The following SHB variants were observed in gnomAD, a reference collection of about 807,000 sequenced individuals.
SHB encodes the protein SH2 domain containing adaptor protein B.
In SHB, 20 loss-of-function variants were observed where a neutral mutation model predicts 52.3. The observed-to-expected ratio is 0.38, with a 90% CI of 0.27 to 0.56. The LOEUF (loss-of-function observed/expected upper bound fraction) is 0.56, where lower values mean the gene tolerates loss of function less well. Ranked by LOEUF, SHB falls within the 20% of genes least tolerant of loss-of-function variation. The pLI is 0.71. For synonymous variants in SHB, 397 were observed against 316.5 expected, an observed-to-expected ratio of 1.25 and a Z score of -2.70; for missense variants, 825 against 723.3, an observed-to-expected ratio of 1.14 and a Z score of -1.61.
intron 1 of SHB, among the ~76,000 whole-genome samples, chr9:38,028,625 A>T (rs916731196): frequency 6.6e-6 from 1 of 152,240 alleles, no homozygotes; most frequent in African/African-American, 2.4e-5. Context: ...TAACCCGGCA[A>T]GGCCAGCTCC....
intron 1 of SHB, among the ~76,000 whole-genome samples, chr9:38,043,889 CAAA>C (rs56809865): frequency 7.7e-6 from 1 of 129,798 alleles, no homozygotes. Flanking sequence ...AACTCCGTCT[CAAA>C]AAAAAAAAAA....
intron 2 of SHB, among the ~76,000 whole-genome samples, chr9:37,982,504 A>G (rs1255369477): frequency 6.6e-6 from 1 of 151,918 alleles, no homozygotes; most frequent in African/African-American, 2.4e-5. Context: ...AAAAAAATGG[A>G]TAAGTAGGCC....
rs776295087 is a variant in SHB, at chr9:38,068,072, C to T, written c.574G>A (p.Ala192Thr). 6.7e-7 allele frequency: 1 copy of T among 1,490,898 alleles called. No homozygotes were observed. The highest frequency in any genetic ancestry group is 8.8e-7 in the Non-Finnish European group (1 of 1,130,576). The allele number at this position is 1,490,898 out of a possible 1,614,324, so 92.4% of individuals were successfully genotyped here. The change falls in exon 1 of 6, where the codon GCG (alanine) becomes ACG (threonine). Residue 192 changes from alanine to threonine, a missense_variant. Coordinates refer to ENST00000377707, the MANE Select transcript of SHB (RefSeq NM_003028.3). The stretch of plus-strand genomic sequence containing the variant: ...AGGGGGTCCCCGGCCCCACCGCCCG[C>T]GGCGCTCTCCACTTTGATGAGGCGG... ...KHRLIKVESAAGGGAGDPLGG... is the reference protein window; with the variant it reads ...KHRLIKVESATGGGAGDPLGG...
intron 2 of SHB, among the ~76,000 whole-genome samples, chr9:37,979,156 T>C (rs558583915): frequency 1.4e-4 from 21 of 152,194 alleles, no homozygotes; most frequent in African/African-American, 4.3e-4. Context: ...TGTGACCATA[T>C]GTTTTAAGTC....
intron 2 of SHB, among the ~76,000 whole-genome samples, chr9:37,981,879 C>A (rs1177620801): frequency 6.6e-6 from 1 of 152,140 alleles, no homozygotes; most frequent in Non-Finnish European, 1.5e-5. Context: ...AGTTCGCCAT[C>A]TTCTGTGGGT....
At chr9:37,997,251 C>T (rs546565564) in intron 2 of SHB, among the ~76,000 whole-genome samples, 1 of 152,352 alleles carries the variant, frequency 6.6e-6, no homozygotes, top group Admixed American at 6.5e-5. Context: ...CTCTTCTCTA[C>T]ATGACACCCA....
At position 38,067,972 on chromosome 9, in the gene SHB, G is replaced by A. The variant is rs1285450763; in HGVS notation, c.674C>T (p.Ala225Val). The A allele has an allele frequency of 2.6e-6, 4 of 1,552,728 alleles. No homozygotes were observed. The highest frequency in any genetic ancestry group is 1.9e-4 in the Middle Eastern group (1 of 5,268). Residue 225 changes from alanine to valine, a missense_variant, in exon 1 of 6, where the codon GCC becomes GTC. Coordinates refer to ENST00000377707, the MANE Select transcript of SHB (RefSeq NM_003028.3). Reference protein sequence around the residue: ...CGGKKLLNKCAASAAEESGAG... With the variant: ...CGGKKLLNKCVASAAEESGAG... Reference sequence around the variant, plus strand: ...CCCGCTCTCCTCCGCGGCTGAGGCGGCGCACTTGTTGAGCAGTTTCTTGCC... The same window carrying A: ...CCCGCTCTCCTCCGCGGCTGAGGCGACGCACTTGTTGAGCAGTTTCTTGCC...
Position 37,924,038 on chromosome 9 carries a change from A to G in SHB, c.1347-4034T>C, listed in dbSNP as rs113498008. Reference sequence around the variant, plus strand: ...CCCCGGGGAGCTTCAACAGGCTGCTATGCCTGCCAAGCTCCTGCATCAGCC... The same window carrying G: ...CCCCGGGGAGCTTCAACAGGCTGCTGTGCCTGCCAAGCTCCTGCATCAGCC... On this transcript the variant is annotated intron_variant, in intron 5 of 5. Transcript: ENST00000377707. Among the ~76,000 whole-genome samples the G allele has an allele frequency of 8.5e-3, 1,296 of 152,336 alleles. 19 individuals are homozygous for G. Among genetic ancestry groups the G allele is most frequent in the African/African-American group, 0.03 (1,229 of 41,574 alleles).
At chr9:37,963,255 T>G (rs1832713438) in intron 3 of SHB, among the ~76,000 whole-genome samples, 1 of 152,212 alleles carries the variant, frequency 6.6e-6, no homozygotes, top group South Asian at 2.1e-4. Flanking sequence ...AAGCTCTGAC[T>G]GTCTGGCTGC....
In SHB at chr9:37,918,806, G is replaced by T. The variant is rs1046778912; in HGVS notation, c.*1015C>A. Among the ~76,000 whole-genome samples the T allele has an allele frequency of 6.6e-6, 1 of 152,214 alleles. No homozygotes were observed. The highest frequency in any genetic ancestry group is 1.5e-5 in the Non-Finnish European group (1 of 68,040). On this transcript the variant is annotated 3_prime_UTR_variant, in exon 6 of 6. Transcript: ENST00000377707. ...GGTGCTGTGTCCAGGGGTTGGGGGGGTGTCAACACAGACGTCCCACTGCAG... is the reference window on the plus strand; with the variant it reads ...GGTGCTGTGTCCAGGGGTTGGGGGGTTGTCAACACAGACGTCCCACTGCAG...
intron 2 of SHB, among the ~76,000 whole-genome samples, chr9:37,984,937 A>C (rs559390227): frequency 6.6e-6 from 1 of 152,276 alleles, no homozygotes; most frequent in South Asian, 2.1e-4. Flanking sequence ...AGGGCAGGGC[A>C]GCTCAGAGAC....
intron 2 of SHB, among the ~76,000 whole-genome samples, chr9:37,998,419 A>G (rs1820975454): frequency 6.6e-6 from 1 of 152,116 alleles, no homozygotes; most frequent in South Asian, 2.1e-4. Flanking sequence ...TTTCAAATCC[A>G]GGAAAGCACA....
At chr9:37,940,023 T>G (rs989391441) in intron 5 of SHB, among the ~76,000 whole-genome samples, 1 of 152,196 alleles carries the variant, frequency 6.6e-6, no homozygotes, top group Non-Finnish European at 1.5e-5. Flanking sequence ...GAACTCAAAC[T>G]AGGGTCTGTC....
chr9:38,038,264 G>A (rs1402340374), intron 1 of SHB, among the ~76,000 whole-genome samples: 3 of 152,162 alleles, frequency 2.0e-5, no homozygotes, highest in African/African-American at 7.2e-5. Context: ...CCAGACTTAA[G>A]AGCACCACAA....
At chr9:38,063,458 C>T (rs1821919548) in intron 1 of SHB, among the ~76,000 whole-genome samples, 1 of 152,266 alleles carries the variant, frequency 6.6e-6, no homozygotes, top group South Asian at 2.1e-4. Context: ...ATGGCACAGG[C>T]TGCTTTATTC....
At chr9:38,041,927 A>G (rs899258487) in intron 1 of SHB, among the ~76,000 whole-genome samples, 4 of 152,174 alleles carry the variant, frequency 2.6e-5, no homozygotes, top group South Asian at 2.1e-4. Flanking sequence ...TTCTCTACCT[A>G]TTTCCTTTCT....
intron 1 of SHB, among the ~76,000 whole-genome samples, chr9:38,037,654 T>C (rs1233905889): frequency 6.6e-6 from 1 of 152,168 alleles, no homozygotes; most frequent in African/African-American, 2.4e-5. Flanking sequence ...CTGTGTGTCA[T>C]TATCATCGAT....
At chr9:38,009,852 A>G (rs1356877729) in intron 2 of SHB, among the ~76,000 whole-genome samples, 1 of 152,252 alleles carries the variant, frequency 6.6e-6, no homozygotes, top group Non-Finnish European at 1.5e-5. Flanking sequence ...TTATTAGGCT[A>G]TAAAGTTGAT....
chr9:37,993,864 A>C (rs532740619), intron 2 of SHB, among the ~76,000 whole-genome samples: 2 of 152,320 alleles, frequency 1.3e-5, no homozygotes, highest in South Asian at 4.1e-4. Context: ...AACTGAGATC[A>C]ACTCCAAGAG....
Sources: gnomAD v4.1 joint callset for allele counts (sites outside exome capture counted in the v4.1 genomes callset) on GRCh38, gnomAD v4.1.1 for gene constraint, MANE v1.5 for transcripts, NCBI Gene and HGNC (gene_info 2026-07-23, HGNC 2026-07-21) for gene names.